AGBL1: variants seen among roughly 807,000 people sequenced by gnomAD.
AGBL1 encodes the protein cytosolic carboxypeptidase 4.
In AGBL1, 130 loss-of-function variants were observed where a neutral mutation model predicts 118.9. That is an observed-to-expected ratio of 1.09 (90% CI 0.95 to 1.26). The LOEUF (loss-of-function observed/expected upper bound fraction) is 1.26. AGBL1 is among the 50% of genes most tolerant of loss of function. The pLI, the probability that AGBL1 is intolerant of heterozygous loss-of-function variation, is 0.00. For missense variants in AGBL1, 1,584 were observed against 1,298.1 expected, an observed-to-expected ratio of 1.22 and a Z score of -3.38; for synonymous variants, 555 against 478.9, an observed-to-expected ratio of 1.16 and a Z score of -2.08.
intron 22 of AGBL1, among the ~76,000 whole-genome samples, chr15:86,777,861 TAATC>T (rs1381135843): frequency 6.6e-6 from 1 of 152,170 alleles, no homozygotes; most frequent in South Asian, 2.1e-4. Context: ...AGAGGGGTCA[TAATC>T]AAGAAACTGT....
chr15:86,331,239 A>C (rs1488126077), intron 17 of AGBL1, among the ~76,000 whole-genome samples: 1 of 151,520 alleles, frequency 6.6e-6, no homozygotes, highest in Admixed American at 6.6e-5. Flanking sequence ...AAAAAAAAAA[A>C]AAACAAAGTC....
chr15:86,724,981 C>G (rs2086797480), intron 22 of AGBL1, among the ~76,000 whole-genome samples: 1 of 152,092 alleles, frequency 6.6e-6, no homozygotes, highest in Non-Finnish European at 1.5e-5. Flanking sequence ...TATAAATAAC[C>G]CAGCCTCAAA....
chr15:86,452,022 A>G (rs897763129), intron 18 of AGBL1, among the ~76,000 whole-genome samples: 1 of 152,248 alleles, frequency 6.6e-6, no homozygotes, highest in Admixed American at 6.5e-5. Context: ...TGGCTCTTAT[A>G]TCCTAAAGAC....
chr15:86,554,357 G>GTTT lies in AGBL1; in HGVS notation c.2818-3_2818-2insTTT. 6.4e-7 allele frequency: 1 copy of GTTT among 1,567,780 alleles called. No homozygotes were observed. The highest frequency in any genetic ancestry group is 1.9e-5 in the Admixed American group (1 of 51,714). On this transcript the variant is annotated splice_region_variant and splice_polypyrimidine_tract_variant and intron_variant, in intron 20 of 22. Transcript: ENST00000614907. Reference sequence around the variant, plus strand: ...TCATCGTTTGATTTTTGTTTTTACTGTAGACTCTTCCCAAAATCCTTGATA... The same window carrying GTTT: ...TCATCGTTTGATTTTTGTTTTTACTGTTTTAGACTCTTCCCAAAATCCTTGATA...
At chr15:86,128,213 TC>T (rs2076773105) in intron 1 of AGBL1, among the ~76,000 whole-genome samples, 1 of 151,934 alleles carries the variant, frequency 6.6e-6, no homozygotes, top group South Asian at 2.1e-4. Flanking sequence ...GTCTTCACAC[TC>T]ATGGCAGAAG....
In AGBL1 at chr15:86,615,095, G is replaced by A. The variant is rs1040679759; in HGVS notation, c.2995-59178G>A. 6.6e-6 allele frequency among the ~76,000 whole-genome samples: 1 copy of A among 152,202 alleles called. No homozygotes were observed. Among genetic ancestry groups the A allele is most frequent in the Admixed American group, 6.5e-5 (1 of 15,290 alleles). On this transcript the variant is annotated intron_variant, in intron 21 of 22. Transcript: ENST00000614907. This position sits in a 1 kb window ranked among gnomAD's most constrained non-coding sequence, Gnocchi z 4.3. ...AAAGGTTAGGACTAGAATGTCAAAT[G>A]TCTTGAGTGACACATTAAGCAGCAT...
At chr15:86,683,066 T>C (rs1263245744) in intron 22 of AGBL1, among the ~76,000 whole-genome samples, 1 of 152,176 alleles carries the variant, frequency 6.6e-6, no homozygotes, top group Non-Finnish European at 1.5e-5. Context: ...GAATAATAGA[T>C]GAAAAGCAAA....
At chr15:86,300,489 C>G (rs2079728458) in intron 17 of AGBL1, among the ~76,000 whole-genome samples, 1 of 152,098 alleles carries the variant, frequency 6.6e-6, no homozygotes, top group Admixed American at 6.5e-5. Context: ...TATTAGAAAC[C>G]CTCATTCTCT....
At chr15:86,218,935 T>G (rs188125107) in intron 5 of AGBL1, among the ~76,000 whole-genome samples, 96 of 152,362 alleles carry the variant, frequency 6.3e-4, no homozygotes, top group Non-Finnish European at 1.1e-3. Context: ...AGGATCCACC[T>G]AAGTGGATTC....
intron 22 of AGBL1, among the ~76,000 whole-genome samples, chr15:86,706,299 A>G (rs2142665577): frequency 6.6e-6 from 1 of 152,244 alleles, no homozygotes; most frequent in Middle Eastern, 3.4e-3. Flanking sequence ...TTTTTACAAA[A>G]TGATATAAGA....
intron 23 of AGBL1, among the ~76,000 whole-genome samples, chr15:86,953,763 A>G (rs2080903085): frequency 6.6e-6 from 1 of 152,060 alleles, no homozygotes; most frequent in African/African-American, 2.4e-5. Context: ...ATTTTTGTAC[A>G]CTGATTTTGT....
intron 18 of AGBL1, among the ~76,000 whole-genome samples, chr15:86,478,776 A>T (rs1220939678): frequency 1.3e-5 from 2 of 152,166 alleles, no homozygotes; most frequent in Non-Finnish European, 2.9e-5. Flanking sequence ...CATTGCCAAG[A>T]CAATCCTAAG....
chr15:86,370,858 CAGTA>C (rs1383102538), intron 17 of AGBL1, among the ~76,000 whole-genome samples: 5 of 152,196 alleles, frequency 3.3e-5, no homozygotes, highest in Non-Finnish European at 7.3e-5. Context: ...AGTAGGTGTG[CAGTA>C]AGTGTTCACA....
chr15:86,215,709 A>C (rs1052538997), intron 5 of AGBL1, among the ~76,000 whole-genome samples: 18 of 152,222 alleles, frequency 1.2e-4, no homozygotes, highest in African/African-American at 4.3e-4. Context: ...TAACTGAGCT[A>C]GTATTTTCTC....
chr15:86,989,234 C>A (rs1437319404), intron 24 of AGBL1, among the ~76,000 whole-genome samples: 2 of 152,066 alleles, frequency 1.3e-5, no homozygotes, highest in African/African-American at 4.8e-5. Context: ...CTTTGGACCT[C>A]AAGTTATCAT....
At chr15:86,634,758 A>C (rs1424414602) in intron 21 of AGBL1, among the ~76,000 whole-genome samples, 1 of 152,220 alleles carries the variant, frequency 6.6e-6, no homozygotes, top group African/African-American at 2.4e-5. Flanking sequence ...CCAGGAAACC[A>C]CTACTTTAGA....
At chr15:86,220,672 A>T (rs771406908) in intron 5 of AGBL1, among the ~76,000 whole-genome samples, 13 of 152,196 alleles carry the variant, frequency 8.5e-5, no homozygotes, top group Non-Finnish European at 1.5e-4. Context: ...AATAGATAGG[A>T]TGTGGGCGGT....
intron 1 of AGBL1, among the ~76,000 whole-genome samples, chr15:86,141,411 G>C (rs2076961363): frequency 6.6e-6 from 1 of 152,158 alleles, no homozygotes; most frequent in African/African-American, 2.4e-5. Context: ...AATCCCTTTG[G>C]GAGGCCGAGG....
At chr15:86,764,265 A>G (rs1429223851) in intron 22 of AGBL1, among the ~76,000 whole-genome samples, 1 of 152,072 alleles carries the variant, frequency 6.6e-6, no homozygotes, top group Non-Finnish European at 1.5e-5. Flanking sequence ...TACATGTAGC[A>G]GTACAGCTAA....
Sources: gnomAD v4.1 joint callset for allele counts (sites outside exome capture counted in the v4.1 genomes callset) on GRCh38, gnomAD v4.1.1 for gene constraint, Gnocchi (gnomAD v3.1) non-coding constraint, MANE v1.5 for transcripts, NCBI Gene and HGNC (gene_info 2026-07-23, HGNC 2026-07-21) for gene names.